Variants in ARHGEF10 observed in about 807,000 individuals in gnomAD.
The protein encoded by ARHGEF10 is Rho guanine nucleotide exchange factor (GEF) 10.
Under a neutral mutation model 147.4 loss-of-function variants are expected in ARHGEF10, and 140 were observed. The ratio of observed to expected loss-of-function variants is 0.95; its 90% CI spans 0.83 to 1.09. ARHGEF10 has a LOEUF of 1.09. Ranked by LOEUF, ARHGEF10 falls within the 50% of genes least tolerant of loss-of-function variation. The pLI is 0.00. For missense variants in ARHGEF10, 2,222 were observed against 1,752.7 expected (o/e 1.27, Z -4.78); for synonymous variants, 902 against 695.8 (o/e 1.30, Z -4.67).
intron 3 of ARHGEF10, among the ~76,000 whole-genome samples, chr8:1,858,318 C>T (rs765533595): frequency 1.1e-4 from 17 of 151,900 alleles, no homozygotes; most frequent in Admixed American, 6.6e-5. Flanking sequence ...GCTCAGCCAT[C>T]GGACTCGCCG....
intron 18 of ARHGEF10, among the ~76,000 whole-genome samples, chr8:1,918,616 G>A (rs1811944368): frequency 6.6e-6 from 1 of 152,156 alleles, no homozygotes; most frequent in Non-Finnish European, 1.5e-5. Flanking sequence ...ATCAAGCTAA[G>A]TAGCTTATGC....
chr8:1,836,349 C>T (rs1345863797), intron 1 of ARHGEF10, among the ~76,000 whole-genome samples: 2 of 152,138 alleles, frequency 1.3e-5, no homozygotes, highest in African/African-American at 4.8e-5. Flanking sequence ...AAAGCGGAGT[C>T]TTCTGCTCTG....
chr8:1,946,798 G>T (rs1022900442), intron 27 of ARHGEF10, among the ~76,000 whole-genome samples: 12 of 152,190 alleles, frequency 7.9e-5, no homozygotes, highest in Non-Finnish European at 1.3e-4. Flanking sequence ...GGATGAGGAG[G>T]CCGAGGAGGT....
intron 2 of ARHGEF10, among the ~76,000 whole-genome samples, chr8:1,855,735 G>A (rs114082721): frequency 1.9e-3 from 282 of 152,120 alleles, no homozygotes; most frequent in African/African-American, 6.2e-3. Flanking sequence ...GCATTTAGTC[G>A]GCATTGTTTC....
chr8:1,830,683 C>T lies in ARHGEF10; in HGVS notation c.-48+6570C>T, dbSNP rs141480796. On this transcript the variant is annotated intron_variant, in intron 1 of 28. Transcript: ENST00000349830. ...ATGTGCTTGCCCTGGGGGGCTGGCA[C>T]CCTTGTCTTCAGGAAAGATGATTTA... Among the ~76,000 whole-genome samples, 101 of 152,224 alleles carry T rather than the reference C, an allele frequency of 6.6e-4. No individual in the cohort carries two copies. In the East Asian group the frequency reaches 0.015, roughly 22 times the overall value.
chr8:1,907,361 C>A (rs1810979770), intron 17 of ARHGEF10, among the ~76,000 whole-genome samples: 1 of 152,160 alleles, frequency 6.6e-6, no homozygotes, highest in African/African-American at 2.4e-5. Flanking sequence ...GCAAGTTGGC[C>A]CACACGATGT....
chr8:1,946,074 C>G (rs73671062), intron 27 of ARHGEF10, among the ~76,000 whole-genome samples: 15,325 of 152,130 alleles, frequency 0.1, 891 homozygotes, highest in African/African-American at 0.16. Context: ...CAACAGAGGC[C>G]TATGTTTGTG....
At chr8:1,944,402 A>T (rs893831191) in intron 26 of ARHGEF10, among the ~76,000 whole-genome samples, 2 of 152,142 alleles carry the variant, frequency 1.3e-5, no homozygotes, top group African/African-American at 4.8e-5. Flanking sequence ...AGGCGATGCC[A>T]TGGGAGAAGG....
At chr8:1,952,175 T>C (rs1049357930) in intron 27 of ARHGEF10, among the ~76,000 whole-genome samples, 6 of 152,332 alleles carry the variant, frequency 3.9e-5, no homozygotes, top group Admixed American at 1.3e-4. Flanking sequence ...TGTGTGACGA[T>C]GTTGTTCTTC....
chr8:1,927,631 C>G (rs1318338950), intron 23 of ARHGEF10: 1 of 152,350 alleles, frequency 6.6e-6, no homozygotes, highest in East Asian at 1.9e-4. Flanking sequence ...TTAGAAATTC[C>G]ACGGCAGGCG....
chr8:1,829,148 G>C (rs1002459612), intron 1 of ARHGEF10, among the ~76,000 whole-genome samples: 1 of 152,264 alleles, frequency 6.6e-6, no homozygotes, highest in Non-Finnish European at 1.5e-5. Context: ...CACTCATGTC[G>C]GGCCTGAGCT....
chr8:1,866,618 G>A lies in ARHGEF10; in HGVS notation c.622+16G>A. The A allele has an allele frequency of 6.2e-7, 1 of 1,602,250 alleles. No homozygotes were observed. The highest frequency in any genetic ancestry group is 8.5e-7 in the Non-Finnish European group (1 of 1,179,704). ...TGGATGGAGAGTAAGTTCCCCAGCT[G>A]CCCACAGCCAGAATCCTCACCACGC... On this transcript the variant is annotated intron_variant, in intron 6 of 28. Transcript: ENST00000349830.
At chr8:1,955,647 C>A (rs112042573) in intron 28 of ARHGEF10, among the ~76,000 whole-genome samples, 1 of 151,826 alleles carries the variant, frequency 6.6e-6, no homozygotes, top group Non-Finnish European at 1.5e-5. Flanking sequence ...AAAGGAGGTG[C>A]ACTCTCACTG....
intron 18 of ARHGEF10, among the ~76,000 whole-genome samples, chr8:1,922,553 C>T (rs922150112): frequency 1.3e-5 from 2 of 152,090 alleles, no homozygotes; most frequent in Admixed American, 1.3e-4. Flanking sequence ...GGGACGTGAC[C>T]ACCGAACGCA....
rs182922625 is a variant in ARHGEF10, at chr8:1,861,110, C to T, written c.481+926C>T. On this transcript the variant is annotated intron_variant, in intron 4 of 28. Transcript: ENST00000349830. Reference sequence around the variant, plus strand: ...CCCTCGTGGGTGCCTCGCTCACCTCCGGTCTCTGTGTCCTCAGCGCTGACA... The same window carrying T: ...CCCTCGTGGGTGCCTCGCTCACCTCTGGTCTCTGTGTCCTCAGCGCTGACA... Among the ~76,000 whole-genome samples, 25 of 152,362 alleles carry T rather than the reference C, an allele frequency of 1.6e-4. No homozygotes were observed. In the East Asian group the frequency reaches 4.4e-3, roughly 27 times the overall value.
chr8:1,896,225 A>G (rs991729070), intron 13 of ARHGEF10, 108 bp from the exon 14 acceptor site: 2 of 868,212 alleles, frequency 2.3e-6, no homozygotes, highest in African/African-American at 1.6e-5. Flanking sequence ...AAAACATCAC[A>G]GTGACCGAAA....
intron 9 of ARHGEF10, among the ~76,000 whole-genome samples, chr8:1,880,847 C>T (rs566071766): frequency 3.2e-4 from 48 of 152,318 alleles, no homozygotes; most frequent in African/African-American, 1.2e-3. Context: ...AAGGGATGTG[C>T]ACTCCACACA....
chr8:1,835,183 A>C (rs1803506316), intron 1 of ARHGEF10, among the ~76,000 whole-genome samples: 1 of 152,040 alleles, frequency 6.6e-6, no homozygotes, highest in Non-Finnish European at 1.5e-5. Context: ...TGGAGGCCGG[A>C]GGAGTGGACG....
Position 1,923,814 on chromosome 8 carries a change from T to A in ARHGEF10, c.2428T>A (p.Phe810Ile), listed in dbSNP as rs1396088296. 4 of 1,614,142 alleles carry A rather than the reference T, an allele frequency of 2.5e-6. No individual in the cohort carries two copies. The South Asian group carries it at 4.4e-5, about 18-fold the overall frequency. ...GTTCTTTACAGCTGTGTTCAATACG[T>A]TCACCCCTGCCATCAAGGAGTCCTG... ...PTFFTAVFNT[F>I]TPAIKESWVN... The change falls in exon 21 of 29, where the codon TTC becomes ATC. Residue 810 changes from phenylalanine to isoleucine, a missense_variant. Coordinates refer to ENST00000349830, the MANE Select transcript of ARHGEF10 (RefSeq NM_014629.4).
Sources: gnomAD v4.1 joint callset for allele counts (sites outside exome capture counted in the v4.1 genomes callset) on GRCh38, gnomAD v4.1.1 for gene constraint, MANE v1.5 for transcripts, NCBI Gene and HGNC (gene_info 2026-07-23, HGNC 2026-07-21) for gene names.